The following EFTUD2 variants were observed in gnomAD, a reference collection of about 807,000 sequenced individuals.
EFTUD2 encodes 116 kDa U5 small nuclear ribonucleoprotein component.
In EFTUD2, 9 loss-of-function variants were observed where a neutral mutation model predicts 114.3. That is an observed-to-expected ratio of 0.08 (90% confidence interval 0.05 to 0.14). The LOEUF (loss-of-function observed/expected upper bound fraction) is 0.14, where lower values mean the gene tolerates loss of function less well. Among genes scored for constraint, EFTUD2 ranks in the 10% least tolerant of loss-of-function variants. EFTUD2 has a pLI of 1.00. For synonymous variants in EFTUD2, 449 were observed against 462.3 expected (o/e 0.97, Z 0.37); for missense variants, 765 against 1,241.2 (o/e 0.62, Z 5.76).
intron 15 of EFTUD2, chr17:44,863,371 C>T (rs140085129): frequency 1.4e-4 from 44 of 321,890 alleles, no homozygotes; most frequent in African/African-American, 8.3e-4. Context: ...TGAACACAAC[C>T]GTAACACTTC....
chr17:44,855,313 G>A (rs1280250833), intron 20 of EFTUD2, among the ~76,000 whole-genome samples: 7 of 151,926 alleles, frequency 4.6e-5, no homozygotes, highest in African/African-American at 1.5e-4. Context: ...CTGTAATCCC[G>A]GCATTTTGGG....
chr17:44,859,220 T>TGCC, intron 18 of EFTUD2, 39 bp from the exon 19 acceptor site: 1 of 1,474,538 alleles, frequency 6.8e-7, no homozygotes, highest in South Asian at 1.1e-5. Flanking sequence ...GATTCTCTTA[T>TGCC]GCCAGCAAAG....
At position 44,851,196 on chromosome 17, in the gene EFTUD2, C is replaced by T. The variant is rs1197721417; in HGVS notation, c.*78G>A. The T allele has an allele frequency of 2.6e-5, 31 of 1,210,644 alleles. No homozygotes were observed. The highest frequency in any genetic ancestry group is 3.7e-5 in the Non-Finnish European group (30 of 818,312). 75.0% of individuals were successfully genotyped at this position (1,210,644 alleles called of 1,614,324 possible). On this transcript the variant is annotated 3_prime_UTR_variant, in exon 28 of 28. Transcript: ENST00000426333. ...ACACTCTCTGACAACACGAAGGCCACGTCATATGAGGTCTCAGCTTCAAGT... is the reference window on the plus strand; with the variant it reads ...ACACTCTCTGACAACACGAAGGCCATGTCATATGAGGTCTCAGCTTCAAGT...
rs1364475617 is a variant in EFTUD2, at chr17:44,854,353, C to T, written c.2263G>A (p.Asp755Asn). Residue 755 changes from aspartate (D) to asparagine (N), a missense_variant, in exon 23 of 28, where the codon GAC becomes AAC. This residue lies in a region of EFTUD2 where 166 missense variants were observed against 401.5 expected (regional missense o/e 0.41). Transcript: ENST00000426333. This position sits in a 1 kb window ranked among gnomAD's most constrained non-coding sequence, Gnocchi z 4.3. ...TTCACTGAACCAAGAAGAGCCTTGT[C>T]CACCTATAGAGAAACATGAGGCCTC... ...LVDDTLPSEV[D>N]KALLGSVKDS... The T allele has an allele frequency of 6.2e-7, 1 of 1,613,502 alleles. No individual in the cohort carries two copies. Among genetic ancestry groups the T allele is most frequent in the Non-Finnish European group, 8.5e-7 (1 of 1,179,818 alleles).
chr17:44,869,577 G>A (rs1407836846), intron 11 of EFTUD2, among the ~76,000 whole-genome samples: 1 of 152,120 alleles, frequency 6.6e-6, no homozygotes, highest in African/African-American at 2.4e-5. Context: ...CGGATTACAG[G>A]CATGAGCCAC....
At chr17:44,858,100 T>C (rs1157619782) in intron 19 of EFTUD2, among the ~76,000 whole-genome samples, 2 of 152,090 alleles carry the variant, frequency 1.3e-5, no homozygotes, top group Non-Finnish European at 2.9e-5. Context: ...TTTTGTATTT[T>C]TAGTAGAGAC....
intron 20 of EFTUD2, among the ~76,000 whole-genome samples, chr17:44,855,290 C>T (rs111667382): frequency 3.6e-4 from 54 of 152,058 alleles, no homozygotes; most frequent in African/African-American, 7.0e-4. Context: ...CAGCCAGGCG[C>T]GGTGGCTCAC....
chr17:44,863,730 C>A lies in EFTUD2; in HGVS notation c.1338G>T (p.Lys446Asn). 6.2e-7 allele frequency: 1 copy of A among 1,614,184 alleles called. No homozygotes were observed. Among genetic ancestry groups the A allele is most frequent in the Non-Finnish European group, 8.5e-7 (1 of 1,180,012 alleles). The change falls in exon 15 of 28, where the codon AAG (lysine) becomes AAT (asparagine). Residue 446 changes from lysine to asparagine, a missense_variant. Around this residue, in one of 6 missense-constraint regions of EFTUD2, gnomAD observed 59 missense variants for 50.1 expected, o/e 1.18. Transcript: ENST00000426333. ...CGGTGTAGGTGTGCTCAATCTTGGG[C>A]TTGGCGCCCACCTTTGGAGAAGGGA... ...QHIPSPKVGA[K>N]PKIEHTYTGG... is the part of the protein sequence containing the mutation.
chr17:44,855,084 G>T (rs1402230652), intron 20 of EFTUD2, 80 bp from the exon 21 acceptor site: 3 of 1,263,016 alleles, frequency 2.4e-6, no homozygotes, highest in African/African-American at 1.5e-5. Context: ...GTAACAAGAC[G>T]GACAGCTGAG....
At chr17:44,866,856 C>G (rs1276696232) in intron 13 of EFTUD2, among the ~76,000 whole-genome samples, 1 of 152,136 alleles carries the variant, frequency 6.6e-6, no homozygotes, top group African/African-American at 2.4e-5. Flanking sequence ...GTAAGCCCAG[C>G]ACTTTGGGAG....
At chr17:44,889,872 G>T (rs1167692639) in intron 2 of EFTUD2, among the ~76,000 whole-genome samples, 1 of 152,140 alleles carries the variant, frequency 6.6e-6, no homozygotes, top group African/African-American at 2.4e-5. Flanking sequence ...AATATATTAT[G>T]AATCTAACTG....
chr17:44,886,612 G>C lies in EFTUD2; in HGVS notation c.244C>G (p.Gln82Glu). 1 of 1,614,110 alleles carries C rather than the reference G, an allele frequency of 6.2e-7. No individual in the cohort carries two copies. Among genetic ancestry groups the C allele is most frequent in the African/African-American group, 1.3e-5 (1 of 75,010 alleles). The stretch of plus-strand genomic sequence containing the variant: ...GTGAGAGGCTGAGTGTCTTCCTCTT[G>C]AACTATGGTCTCCACCTCAGGACCA... Reference protein sequence around the residue: ...VYGPEVETIVQEEDTQPLTEP... With the variant: ...VYGPEVETIVEEEDTQPLTEP... The change falls in exon 3 of 28, where the codon CAA (glutamine) becomes GAA (glutamate). Residue 82 changes from glutamine (Q) to glutamate (E), a missense_variant. This residue lies in a region of EFTUD2 where 121 missense variants were observed against 133.7 expected (regional missense o/e 0.90). Coordinates refer to ENST00000426333, the MANE Select transcript of EFTUD2 (RefSeq NM_004247.4).
chr17:44,866,420 A>ATTTTT lies in EFTUD2; in HGVS notation c.1150-1360_1150-1356dup, dbSNP rs386386156. Among the ~76,000 whole-genome samples the ATTTTT allele has an allele frequency of 2.0e-5, 3 of 151,340 alleles. No homozygotes were observed. In the South Asian group the frequency reaches 6.3e-4, roughly 32 times the overall value. On this transcript the variant is annotated intron_variant, in intron 13 of 27. Coordinates refer to ENST00000426333, the MANE Select transcript of EFTUD2 (RefSeq NM_004247.4). ...CCACCAGTCCCAGTTGATTTATTTT[A>ATTTTT]TTTTTTTTGAGACGGAGTCTTGCTC...
Position 44,850,056 on chromosome 17 carries a change from CAAT to C in EFTUD2, c.*1215_*1217del. The C allele has an allele frequency of 2.9e-6, 1 of 344,032 alleles. No homozygotes were observed. Among genetic ancestry groups the C allele is most frequent in the Admixed American group, 4.0e-5 (1 of 24,912 alleles). The allele number at this position is 344,032 out of a possible 1,614,324, so 21.3% of individuals were successfully genotyped here. On this transcript the variant is annotated 3_prime_UTR_variant, in exon 28 of 28. Coordinates refer to ENST00000426333, the MANE Select transcript of EFTUD2 (RefSeq NM_004247.4). ...CTCAGTTTCCTGATGTGTAACATGA[CAAT>C]AACCACCCCTGGCCTGCCTACCTTG...
chr17:44,879,940 C>T (rs2051040276), intron 8 of EFTUD2, among the ~76,000 whole-genome samples: 1 of 152,056 alleles, frequency 6.6e-6, no homozygotes, highest in African/African-American at 2.4e-5. Context: ...CTGTGGGATT[C>T]AAGACAATCT....
chr17:44,854,381 T>G lies in EFTUD2; in HGVS notation c.2260-25A>C. On this transcript the variant is annotated intron_variant, in intron 22 of 27. Coordinates refer to ENST00000426333, the MANE Select transcript of EFTUD2 (RefSeq NM_004247.4). The surrounding 1 kb of genome is among the most constrained non-coding windows in gnomAD (Gnocchi z 4.3). ...CCTATAGAGAAACATGAGGCCTCCT[T>G]AGCAGTCGCCCTGGCAACGGCTGAA... The G allele has an allele frequency of 6.2e-7, 1 of 1,607,798 alleles. No individual in the cohort carries two copies. Among genetic ancestry groups the G allele is most frequent in the South Asian group, 1.1e-5 (1 of 90,498 alleles).
chr17:44,855,104 TC>T, intron 20 of EFTUD2, 100 bp from the exon 21 acceptor site: 2 of 1,121,302 alleles, frequency 1.8e-6, no homozygotes, highest in Non-Finnish European at 2.7e-6. Context: ...GGAAGTGACA[TC>T]AGTGAAAGCC....
rs778641008 is a variant in EFTUD2 at position 44,865,085 on chromosome 17, C to T, written c.1150-20G>A. The T allele has an allele frequency of 6.2e-7, 1 of 1,613,670 alleles. No individual in the cohort carries two copies. The highest frequency in any genetic ancestry group is 8.5e-7 in the Non-Finnish European group (1 of 1,179,886). ...TACAACCTGTGAGGGTGTAAGACAC[C>T]ATGTCAGCTGTAGTGAGAGCCTGAG... On this transcript the variant is annotated intron_variant, in intron 13 of 27. Coordinates refer to ENST00000426333, the MANE Select transcript of EFTUD2 (RefSeq NM_004247.4).
At position 44,862,920 on chromosome 17, in the gene EFTUD2, C is replaced by A. The variant is rs58107893; in HGVS notation, c.1414-14G>T. On this transcript the variant is annotated splice_polypyrimidine_tract_variant and intron_variant, in intron 15 of 27. Transcript: ENST00000426333. ...CATCAGGGGGCCCTGGAAGAGGGGA[C>A]AGGGTGCAGCTTCAACCACATCTAT... 3.0e-3 allele frequency: 4,765 copies of A among 1,603,422 alleles called. 45 individuals are homozygous for A. The highest frequency in any genetic ancestry group is 0.019 in the Middle Eastern group (115 of 6,036).
Sources: allele counts gnomAD v4.1 joint callset (sites outside exome capture counted in the v4.1 genomes callset), GRCh38; gene constraint gnomAD v4.1.1; regional missense constraint gnomAD v4.1.1; non-coding constraint Gnocchi (gnomAD v3.1); transcripts MANE v1.5; gene names NCBI Gene and HGNC (gene_info 2026-07-23, HGNC 2026-07-21).